ATXN7: variants seen among roughly 807,000 people sequenced by gnomAD.
The protein encoded by ATXN7 is ataxin-7.
In ATXN7, 12 loss-of-function variants were observed where a neutral mutation model predicts 70.5. That is an observed-to-expected ratio of 0.17 (90% CI 0.11 to 0.28). The LOEUF is 0.28. Among genes scored for constraint, ATXN7 ranks in the 10% least tolerant of loss-of-function variants. ATXN7 has a pLI of 1.00. For missense variants in ATXN7, 1,256 were observed against 1,131.7 expected (o/e 1.11, Z -1.58); for synonymous variants, 498 against 448.7 (o/e 1.11, Z -1.39).
chr3:63,923,947 G>A (rs972207301), intron 4 of ATXN7, among the ~76,000 whole-genome samples: 6 of 152,080 alleles, frequency 3.9e-5, no homozygotes, highest in African/African-American at 1.4e-4. Flanking sequence ...AAAGTTGGGG[G>A]GATAGTTGGT....
At chr3:63,904,071 C>G (rs903549600) in intron 2 of ATXN7, 1 of 152,176 alleles carries the variant, frequency 6.6e-6, no homozygotes, top group African/African-American at 2.4e-5. Flanking sequence ...GAGACCCCAT[C>G]GCATTCCTAA....
intron 5 of ATXN7, among the ~76,000 whole-genome samples, chr3:63,971,533 A>AAT (rs2075312370): frequency 6.6e-6 from 1 of 152,212 alleles, no homozygotes; most frequent in African/African-American, 2.4e-5. Flanking sequence ...TTTTAAGAAG[A>AAT]ATAAGAAAAT....
chr3:63,985,793 CATT>C (rs1206884263), intron 8 of ATXN7, among the ~76,000 whole-genome samples: 1 of 152,316 alleles, frequency 6.6e-6, no homozygotes, highest in East Asian at 1.9e-4. Flanking sequence ...TCCATTCACT[CATT>C]GTAGAACTTT....
chr3:63,963,329 T>C (rs1310688460), intron 5 of ATXN7, among the ~76,000 whole-genome samples: 1 of 152,218 alleles, frequency 6.6e-6, no homozygotes, highest in Non-Finnish European at 1.5e-5. Context: ...ATATGAAATA[T>C]ATACACCTAT....
intron 2 of ATXN7, among the ~76,000 whole-genome samples, chr3:63,910,728 A>T (rs2107290007): frequency 1.3e-5 from 2 of 152,304 alleles, no homozygotes; most frequent in South Asian, 4.1e-4. Context: ...TATTTTGATA[A>T]GGACAGGAAG....
At chr3:63,994,749 A>G (rs1328122094) in intron 11 of ATXN7, among the ~76,000 whole-genome samples, 3 of 152,136 alleles carry the variant, frequency 2.0e-5, no homozygotes, top group Non-Finnish European at 4.4e-5. Flanking sequence ...GTCTTCTGCC[A>G]CCTCGGTTTA....
intron 4 of ATXN7, among the ~76,000 whole-genome samples, chr3:63,943,808 A>C (rs1210526793): frequency 6.6e-6 from 1 of 152,144 alleles, no homozygotes; most frequent in African/African-American, 2.4e-5. Flanking sequence ...AGCTCTTTGC[A>C]GGGTACTCTA....
intron 1 of ATXN7, among the ~76,000 whole-genome samples, chr3:63,867,911 TAA>T (rs1175628837): frequency 6.6e-6 from 1 of 152,034 alleles, no homozygotes; most frequent in South Asian, 2.1e-4. Context: ...AACAAATAAA[TAA>T]ATAAAGTTGT....
intron 5 of ATXN7, chr3:63,967,736 C>A: frequency 7.2e-7 from 1 of 1,391,610 alleles, no homozygotes; most frequent in Non-Finnish European, 9.4e-7. Flanking sequence ...AATTAGACTC[C>A]ACCCCCTGTT....
At position 64,002,651 on chromosome 3, in the gene ATXN7, C is replaced by A. The variant is rs2075845864; in HGVS notation, c.*3184C>A. On this transcript the variant is annotated 3_prime_UTR_variant, in exon 13 of 13. Transcript: ENST00000674280. ...AAAAAGACTTGAATGTTCAGTTGAA[C>A]TTTTGGAGTTTGCTTTTTCCACCTA... The A allele has an allele frequency of 6.6e-6, 1 of 152,148 alleles. No individual in the cohort carries two copies. The highest frequency in any genetic ancestry group is 2.4e-5 in the African/African-American group (1 of 41,422). The allele number at this position is 152,148 out of a possible 1,614,324, so 9.4% of individuals were successfully genotyped here. A position where few individuals can be genotyped will look rare whatever the true frequency, so the allele number is the denominator to read the frequency against.
intron 1 of ATXN7, among the ~76,000 whole-genome samples, chr3:63,870,735 G>A (rs1559615455): frequency 1.3e-5 from 2 of 152,158 alleles, no homozygotes; most frequent in Non-Finnish European, 2.9e-5. Context: ...TGGAAGGGAA[G>A]TAATTAATAC....
chr3:63,998,750 C>A, intron 12 of ATXN7: 1 of 940,170 alleles, frequency 1.1e-6, no homozygotes, highest in African/African-American at 1.8e-5. Flanking sequence ...TCATAAGAAT[C>A]TCAAAGGGAC....
chr3:63,957,327 A>G (rs2075056596), intron 5 of ATXN7, among the ~76,000 whole-genome samples: 1 of 152,212 alleles, frequency 6.6e-6, no homozygotes, highest in Non-Finnish European at 1.5e-5. Flanking sequence ...GCTTCAGATT[A>G]GTTAGGCTGA....
chr3:63,966,583 A>G (rs2075227644), intron 5 of ATXN7, among the ~76,000 whole-genome samples: 1 of 152,136 alleles, frequency 6.6e-6, no homozygotes, highest in Admixed American at 6.5e-5. Flanking sequence ...GGGGAAAAAA[A>G]GTGGGTTTCA....
chr3:63,886,341 A>G (rs905046550), intron 1 of ATXN7, among the ~76,000 whole-genome samples: 2 of 152,206 alleles, frequency 1.3e-5, no homozygotes, highest in Non-Finnish European at 2.9e-5. Context: ...TTACACAGTA[A>G]TGGTGACTAT....
intron 2 of ATXN7, chr3:63,903,980 A>G (rs1703743155): frequency 6.6e-6 from 1 of 152,218 alleles, no homozygotes; most frequent in African/African-American, 2.4e-5. Context: ...TGTACATTTA[A>G]TGGTTTTTAG....
intron 4 of ATXN7, among the ~76,000 whole-genome samples, chr3:63,938,037 C>T (rs1044458255): frequency 2.6e-5 from 4 of 152,112 alleles, no homozygotes; most frequent in Non-Finnish European, 4.4e-5. Flanking sequence ...CAGAAGCACT[C>T]GAAACAAATC....
rs1346542426 is a variant in ATXN7, at chr3:63,982,382, A to T, written c.949A>T (p.Thr317Ser). 1 of 1,613,864 alleles carries T rather than the reference A, an allele frequency of 6.2e-7. No homozygotes were observed. Among genetic ancestry groups the T allele is most frequent in the African/African-American group, 1.3e-5 (1 of 75,002 alleles). The change falls in exon 7 of 13, where the codon ACT (threonine) becomes TCT (serine). Residue 317 changes from threonine (T) to serine (S), a missense_variant. Thr to Ser is a moderately conservative substitution (Grantham distance 58, BLOSUM62 1). Transcript: ENST00000674280. The part of the protein sequence containing the change: ...LNGKGLPAPP[T>S]LEKKPEDNSN... ...TGGCAAAGGGCTTCCTGCACCGCCCACTCTGGAAAAGAAACCTGAAGACAA... is the reference window on the plus strand; with the variant it reads ...TGGCAAAGGGCTTCCTGCACCGCCCTCTCTGGAAAAGAAACCTGAAGACAA...
At chr3:63,929,699 G>C (rs1704868262) in intron 4 of ATXN7, among the ~76,000 whole-genome samples, 1 of 151,984 alleles carries the variant, frequency 6.6e-6, no homozygotes, top group Admixed American at 6.6e-5. Context: ...CTGCTTGCCC[G>C]GGTGGTAATG....
Sources: allele counts gnomAD v4.1 joint callset (sites outside exome capture counted in the v4.1 genomes callset), GRCh38; gene constraint gnomAD v4.1.1; transcripts MANE v1.5; gene names NCBI Gene and HGNC (gene_info 2026-07-23, HGNC 2026-07-21).